The following ARFGEF3 variants were observed in gnomAD, a reference collection of about 807,000 sequenced individuals.
The protein encoded by ARFGEF3 is brefeldin A-inhibited guanine nucleotide-exchange protein 3.
A neutral mutation model predicts 221.7 loss-of-function variants in ARFGEF3; 96 were observed. The observed-to-expected ratio is 0.43, with a 90% CI of 0.37 to 0.51. The LOEUF is 0.51. Ranked by LOEUF, ARFGEF3 falls within the 20% of genes least tolerant of loss-of-function variation. The pLI is 0.00. For synonymous variants in ARFGEF3, 1,145 were observed against 1,126.8 expected (o/e 1.02, Z -0.32); for missense variants, 2,410 against 2,789.9 (o/e 0.86, Z 3.07).
chr6:138,316,785 G>C (rs1779933312), intron 26 of ARFGEF3, among the ~76,000 whole-genome samples: 1 of 152,204 alleles, frequency 6.6e-6, no homozygotes, highest in Non-Finnish European at 1.5e-5. Context: ...AAACATCTTG[G>C]AAACAGTAGT....
At position 138,263,045 on chromosome 6, in the gene ARFGEF3, G is replaced by A. The variant is rs1412737165; in HGVS notation, c.1562G>A (p.Gly521Asp). 1 of 1,611,938 alleles carries A rather than the reference G, an allele frequency of 6.2e-7. No individual in the cohort carries two copies. The highest frequency in any genetic ancestry group is 8.5e-7 in the Non-Finnish European group (1 of 1,179,078). Residue 521 changes from glycine to aspartate, a missense_variant, in exon 12 of 34, where the codon GGT (glycine) becomes GAT (aspartate). Coordinates refer to ENST00000251691, the MANE Select transcript of ARFGEF3 (RefSeq NM_020340.5). ...TGQTTLEGEL[G>D]QTTPEDHSGN... The stretch of plus-strand genomic sequence containing the variant: ...CAGACCACTCTCGAGGGAGAGTTGG[G>A]TCAGACTACACCCGAGGACCATTCG...
At position 138,263,106 on chromosome 6, in the gene ARFGEF3, C is replaced by T; in HGVS notation, c.1623C>T (p.Ile541=). 6.2e-7 allele frequency: 1 copy of T among 1,613,950 alleles called. No individual in the cohort carries two copies. Among genetic ancestry groups the T allele is most frequent in the South Asian group, 1.1e-5 (1 of 91,082 alleles). Reference sequence around the variant, plus strand: ...AGAACAGTCTCAAGTCGCCAGCCATCCCAGAGGGTAAGGAGACGCTGAGCA... The same window carrying T: ...AGAACAGTCTCAAGTCGCCAGCCATTCCAGAGGGTAAGGAGACGCTGAGCA... The part of the protein sequence containing the change: ...NHKNSLKSPA[I]PEGKETLSKV... The change falls in exon 12 of 34, where the codon ATC becomes ATT. Residue 541 remains isoleucine (I), a synonymous_variant. Coordinates refer to ENST00000251691, the MANE Select transcript of ARFGEF3 (RefSeq NM_020340.5).
At chr6:138,322,133 T>C (rs75907071) in intron 29 of ARFGEF3, among the ~76,000 whole-genome samples, 4,717 of 152,200 alleles carry the variant, frequency 0.031, 90 homozygotes, top group East Asian at 0.06. Context: ...GTGGGCCTCG[T>C]CCAATCAGTT....
chr6:138,231,042 G>T (rs962812484), intron 5 of ARFGEF3, among the ~76,000 whole-genome samples: 1 of 152,282 alleles, frequency 6.6e-6, no homozygotes, highest in Admixed American at 6.5e-5. Flanking sequence ...TGATGGAACT[G>T]GGGGGAAGGG....
At chr6:138,302,774 A>C (rs953577498) in intron 22 of ARFGEF3, among the ~76,000 whole-genome samples, 1 of 152,242 alleles carries the variant, frequency 6.6e-6, no homozygotes, top group African/African-American at 2.4e-5. Context: ...AAAAACTGTC[A>C]ATGGATAATC....
At chr6:138,222,127 C>G (rs529525115) in intron 4 of ARFGEF3, among the ~76,000 whole-genome samples, 3 of 152,126 alleles carry the variant, frequency 2.0e-5, no homozygotes, top group Non-Finnish European at 4.4e-5. Flanking sequence ...TAGCTGTCAG[C>G]CTTTTGGAGT....
rs184191356 is a variant in ARFGEF3, at chr6:138,291,022, G to A, written c.3048-711G>A. On this transcript the variant is annotated intron_variant, in intron 18 of 33. Coordinates refer to ENST00000251691, the MANE Select transcript of ARFGEF3 (RefSeq NM_020340.5). The surrounding 1 kb of genome is among the most constrained non-coding windows in gnomAD (Gnocchi z 4.5). ...TCCTTGATTCTAGAACATCAGAGTG[G>A]ATTATCCATGATGCTCTTTACCAGT... Among the ~76,000 whole-genome samples, 10 of 152,300 alleles carry A rather than the reference G, an allele frequency of 6.6e-5. No individual in the cohort carries two copies. Among genetic ancestry groups the A allele is most frequent in the Non-Finnish European group, 1.0e-4 (7 of 68,024 alleles).
chr6:138,207,381 A>AT (rs1435112746), intron 3 of ARFGEF3, among the ~76,000 whole-genome samples: 14 of 152,134 alleles, frequency 9.2e-5, no homozygotes, highest in South Asian at 2.1e-4. Context: ...ACAGATAGGG[A>AT]TTTTTTTTGT....
At chr6:138,268,388 C>T (rs1229561371) in intron 12 of ARFGEF3, among the ~76,000 whole-genome samples, 3 of 152,134 alleles carry the variant, frequency 2.0e-5, no homozygotes, top group Admixed American at 2.0e-4. Flanking sequence ...AGCCTTCATC[C>T]CTACCCTGTT....
At chr6:138,228,127 G>GT (rs1778121540) in intron 4 of ARFGEF3, among the ~76,000 whole-genome samples, 1 of 150,804 alleles carries the variant, frequency 6.6e-6, no homozygotes, top group Non-Finnish European at 1.5e-5. Flanking sequence ...CCAAGAGGCA[G>GT]TTGCTACCCA....
At chr6:138,268,033 C>G (rs2114600286) in intron 12 of ARFGEF3, among the ~76,000 whole-genome samples, 1 of 152,292 alleles carries the variant, frequency 6.6e-6, no homozygotes, top group South Asian at 2.1e-4. Flanking sequence ...ACAGCTAACT[C>G]TCTTCCATCA....
chr6:138,218,107 A>C (rs752519663), intron 4 of ARFGEF3: 2 of 1,613,974 alleles, frequency 1.2e-6, no homozygotes, highest in Non-Finnish European at 1.7e-6. Context: ...AATGAGGAAC[A>C]TTTCATTGAG....
chr6:138,173,828 A>G (rs1384145382), intron 2 of ARFGEF3, among the ~76,000 whole-genome samples: 4 of 152,230 alleles, frequency 2.6e-5, no homozygotes, highest in Non-Finnish European at 5.9e-5. Context: ...ATGGATGAAT[A>G]TACGCATATG....
intron 12 of ARFGEF3, among the ~76,000 whole-genome samples, chr6:138,270,431 C>G (rs1778982642): frequency 8.0e-6 from 1 of 125,138 alleles, no homozygotes; most frequent in South Asian, 2.4e-4. Context: ...TACGTAGACA[C>G]ACACACACAC....
At chr6:138,211,425 C>T (rs955345821) in intron 4 of ARFGEF3, among the ~76,000 whole-genome samples, 5 of 152,178 alleles carry the variant, frequency 3.3e-5, no homozygotes, top group Admixed American at 2.6e-4. Flanking sequence ...TTCAGTTTGG[C>T]AGCTGTGCAT....
chr6:138,228,148 C>T (rs545561351), intron 4 of ARFGEF3, among the ~76,000 whole-genome samples: 5 of 150,548 alleles, frequency 3.3e-5, no homozygotes, highest in Non-Finnish European at 7.4e-5. Flanking sequence ...ATCCCTTTTT[C>T]TCAATCGCCA....
intron 4 of ARFGEF3, among the ~76,000 whole-genome samples, chr6:138,213,737 T>A (rs1777780418): frequency 6.6e-6 from 1 of 152,088 alleles, no homozygotes; most frequent in South Asian, 2.1e-4. Context: ...TATTTTTAAC[T>A]ATTTAAATAT....
intron 10 of ARFGEF3, among the ~76,000 whole-genome samples, chr6:138,257,633 A>G (rs756095962): frequency 5.3e-5 from 8 of 152,152 alleles, no homozygotes; most frequent in Non-Finnish European, 8.8e-5. Context: ...CTTTTCCTGT[A>G]TCATCCTTAT....
At chr6:138,308,524 C>T (rs1779767333) in intron 23 of ARFGEF3, among the ~76,000 whole-genome samples, 1 of 152,182 alleles carries the variant, frequency 6.6e-6, no homozygotes, top group African/African-American at 2.4e-5. Flanking sequence ...ACTCGGCCAG[C>T]TCAGCCCTCA....
Sources: allele counts gnomAD v4.1 joint callset (sites outside exome capture counted in the v4.1 genomes callset), GRCh38; gene constraint gnomAD v4.1.1; non-coding constraint Gnocchi (gnomAD v3.1); transcripts MANE v1.5; gene names NCBI Gene and HGNC (gene_info 2026-07-23, HGNC 2026-07-21).